Variants in ARSB observed in about 807,000 individuals in gnomAD.
The protein encoded by ARSB is arylsulfatase B.
A neutral mutation model predicts 50.9 loss-of-function variants in ARSB; 41 were observed. The observed-to-expected ratio is 0.81, with a 90% CI of 0.63 to 1.04. The LOEUF (loss-of-function observed/expected upper bound fraction) is 1.04. ARSB is among the 50% of genes least tolerant of loss of function. The pLI is 0.00. For missense variants in ARSB, 672 were observed against 693.3 expected (o/e 0.97, Z 0.35); for synonymous variants, 269 against 284.8 (o/e 0.94, Z 0.56).
At position 78,928,305 on chromosome 5, in the gene ARSB, C is replaced by CTTT. The variant is rs34737292; in HGVS notation, c.898+26987_898+26989dup. On this transcript the variant is annotated intron_variant, in intron 4 of 7. Transcript: ENST00000264914. ...CAACTGTGATTGCCATTTGCTTTTG[C>CTTT]TTTTTTTTTTTTTTTTTTTTTTTTT... 4.3e-4 allele frequency among the ~76,000 whole-genome samples: 31 copies of CTTT among 72,584 alleles called. 1 individual carries two copies. Among genetic ancestry groups the CTTT allele is most frequent in the Non-Finnish European group, 5.4e-4 (21 of 38,786 alleles). The allele number at this position is 72,584 out of a possible 152,430, so 47.6% of individuals were successfully genotyped here. A position where few individuals can be genotyped will look rare whatever the true frequency, so the allele number is the denominator to read the frequency against.
chr5:78,974,640 C>A (rs6897944), intron 1 of ARSB, among the ~76,000 whole-genome samples: 40,026 of 152,204 alleles, frequency 0.26, 5,424 homozygotes, highest in Middle Eastern at 0.35. Context: ...CCTCTAACTC[C>A]ACTGGTCATA....
intron 5 of ARSB, among the ~76,000 whole-genome samples, chr5:78,841,546 T>A (rs1745214393): frequency 6.6e-6 from 1 of 152,156 alleles, no homozygotes; most frequent in Admixed American, 6.5e-5. Flanking sequence ...GGACTATAGG[T>A]TGAAAACTCA....
chr5:78,926,849 G>C, intron 4 of ARSB, among the ~76,000 whole-genome samples: 1 of 152,224 alleles, frequency 6.6e-6, no homozygotes, highest in East Asian at 1.9e-4. Flanking sequence ...AAATCTTCTA[G>C]TGGCCAGATC....
intron 4 of ARSB, among the ~76,000 whole-genome samples, chr5:78,920,993 G>A (rs1349694146): frequency 6.6e-6 from 1 of 152,034 alleles, no homozygotes; most frequent in African/African-American, 2.4e-5. Context: ...CTCTTTTGAA[G>A]ATTTTAAGAC....
chr5:78,808,052 C>T (rs1168267071), intron 6 of ARSB, among the ~76,000 whole-genome samples: 1 of 134,794 alleles, frequency 7.4e-6, no homozygotes, highest in Non-Finnish European at 1.6e-5. Context: ...GAGATCCCGC[C>T]ACTGCACTCC....
intron 5 of ARSB, among the ~76,000 whole-genome samples, chr5:78,854,020 G>T (rs926142683): frequency 6.6e-6 from 1 of 152,228 alleles, no homozygotes; most frequent in Non-Finnish European, 1.5e-5. Flanking sequence ...CCCGAGTGAG[G>T]CAATGCCTCG....
Position 78,783,996 on chromosome 5 carries a change from G to A in ARSB, c.1214-2022C>T, listed in dbSNP as rs189803964. 6.2e-3 allele frequency among the ~76,000 whole-genome samples: 930 copies of A among 151,148 alleles called. 2 individuals carry two copies. Among genetic ancestry groups the A allele is most frequent in the Middle Eastern group, 0.014 (4 of 292 alleles). On this transcript the variant is annotated intron_variant, in intron 6 of 7. Coordinates refer to ENST00000264914, the MANE Select transcript of ARSB (RefSeq NM_000046.5). ...CAGATGTTAACATTTTACCATGTTT[G>A]CCTTTTTTTAAAAAAAATAAAAGAA...
chr5:78,885,405 AT>A, intron 5 of ARSB, 178 bp downstream of exon 5: 4 of 903,150 alleles, frequency 4.4e-6, no homozygotes, highest in Non-Finnish European at 6.3e-6. Context: ...ACAATCTCAA[AT>A]TTATAATTTA....
intron 6 of ARSB, among the ~76,000 whole-genome samples, chr5:78,818,705 C>T (rs1744099312): frequency 6.8e-6 from 1 of 147,842 alleles, no homozygotes; most frequent in Non-Finnish European, 1.5e-5. Context: ...GCAAGCTCCG[C>T]CTCCTGGGTC....
intron 5 of ARSB, among the ~76,000 whole-genome samples, chr5:78,863,297 C>T (rs1746542010): frequency 1.3e-5 from 2 of 152,150 alleles, no homozygotes; most frequent in African/African-American, 2.4e-5. Context: ...ACTATAAAGA[C>T]ACATGCACAC....
chr5:78,942,570 G>A (rs573675703), intron 4 of ARSB, among the ~76,000 whole-genome samples: 19 of 152,168 alleles, frequency 1.2e-4, no homozygotes, highest in African/African-American at 3.6e-4. Flanking sequence ...CGGGTTGTTC[G>A]GTTTCCATGT....
chr5:78,890,251 C>CTTTTT lies in ARSB; in HGVS notation c.899-4429_899-4425dup, dbSNP rs55797488. 3.0e-5 allele frequency among the ~76,000 whole-genome samples: 4 copies of CTTTTT among 134,928 alleles called. 1 individual carries two copies. 88.5% of individuals were successfully genotyped at this position (134,928 alleles called of 152,430 possible). A position where few individuals can be genotyped will look rare whatever the true frequency, so the allele number is the denominator to read the frequency against. ...ACATTCTGATATTCTCAAATCTTATCTTTTTTTTTTTTTTTTTGAGACAAA... is the reference window on the plus strand; with the variant it reads ...ACATTCTGATATTCTCAAATCTTATCTTTTTTTTTTTTTTTTTTTTTTGAGACAAA... On this transcript the variant is annotated intron_variant, in intron 4 of 7. Coordinates refer to ENST00000264914, the MANE Select transcript of ARSB (RefSeq NM_000046.5).
Position 78,838,466 on chromosome 5 carries a change from C to T in ARSB, c.1213+890G>A, listed in dbSNP as rs530357945. On this transcript the variant is annotated intron_variant, in intron 6 of 7. Coordinates refer to ENST00000264914, the MANE Select transcript of ARSB (RefSeq NM_000046.5). ...CATTTAGAATGACTGTGGGGTAATT[C>T]TCTGAGCAGGAATCTCTGAATGAGA... Among the ~76,000 whole-genome samples the T allele has an allele frequency of 1.1e-3, 173 of 152,288 alleles. 1 individual carries two copies. Among genetic ancestry groups the T allele is most frequent in the African/African-American group, 4.1e-3 (170 of 41,550 alleles).
chr5:78,972,543 A>ACACACACACACACACACC (rs1361695118), intron 1 of ARSB, among the ~76,000 whole-genome samples: 44 of 150,416 alleles, frequency 2.9e-4, no homozygotes, highest in African/African-American at 1.1e-3. Context: ...ACACACACAC[A>ACACACACACACACACACC]CCCCAAATCA....
intron 5 of ARSB, among the ~76,000 whole-genome samples, chr5:78,866,090 T>C (rs1746709573): frequency 6.6e-6 from 1 of 152,186 alleles, no homozygotes. Context: ...TTTTCATCAG[T>C]GCCCCACTCT....
intron 4 of ARSB, among the ~76,000 whole-genome samples, chr5:78,937,927 A>T (rs1210877072): frequency 1.3e-5 from 2 of 152,218 alleles, no homozygotes; most frequent in African/African-American, 2.4e-5. Context: ...CAGAGAAGTG[A>T]AAAACTCTGA....
intron 5 of ARSB, among the ~76,000 whole-genome samples, chr5:78,841,165 C>CTAATAATAATAATAA (rs760097028): frequency 3.7e-4 from 36 of 98,272 alleles, no homozygotes; most frequent in African/African-American, 1.3e-3. Flanking sequence ...ACTACTACTA[C>CTAATAATAATAATAA]TACTAATAAT....
intron 5 of ARSB, among the ~76,000 whole-genome samples, chr5:78,872,762 A>G (rs1006331836): frequency 6.7e-6 from 1 of 149,362 alleles, no homozygotes; most frequent in South Asian, 2.1e-4. Flanking sequence ...ACATGTATAC[A>G]TATGTAACTA....
chr5:78,901,837 C>T (rs920695025), intron 4 of ARSB, among the ~76,000 whole-genome samples: 1 of 152,102 alleles, frequency 6.6e-6, no homozygotes, highest in African/African-American at 2.4e-5. Context: ...CACTTTATAC[C>T]CAATAGGATT....
Sources: allele counts gnomAD v4.1 joint callset (sites outside exome capture counted in the v4.1 genomes callset), GRCh38; gene constraint gnomAD v4.1.1; transcripts MANE v1.5; gene names NCBI Gene and HGNC (gene_info 2026-07-23, HGNC 2026-07-21).